KCNJ16: variants seen among roughly 807,000 people sequenced by gnomAD.
KCNJ16 encodes potassium inwardly rectifying channel subfamily J member 16.
KCNJ16 carries 15 observed loss-of-function variants against 18.5 expected under a neutral mutation model. The observed-to-expected ratio is 0.81, with a 90% CI of 0.54 to 1.25. The LOEUF (loss-of-function observed/expected upper bound fraction) is 1.25. Among genes scored for constraint, KCNJ16 ranks in the 50% most tolerant of loss-of-function variants. KCNJ16 has a pLI of 0.00. For synonymous variants in KCNJ16, 174 were observed against 186.5 expected (o/e 0.93, Z 0.55); for missense variants, 523 against 525.7 (o/e 0.99, Z 0.05).
intron 1 of KCNJ16, among the ~76,000 whole-genome samples, chr17:70,078,560 C>T (rs2071414794): frequency 6.6e-6 from 1 of 152,106 alleles, no homozygotes; most frequent in Admixed American, 6.5e-5. Flanking sequence ...TTCTAGCAAA[C>T]ATGACCAAAA....
intron 1 of KCNJ16, among the ~76,000 whole-genome samples, chr17:70,080,084 G>A (rs973898562): frequency 6.6e-6 from 1 of 152,186 alleles, no homozygotes; most frequent in African/African-American, 2.4e-5. Context: ...GAGGTAAAGA[G>A]TAAGTTATTT....
intron 2 of KCNJ16, among the ~76,000 whole-genome samples, chr17:70,110,478 G>GTGCACACACACACA (rs1491105871): frequency 1.6e-5 from 2 of 122,242 alleles, no homozygotes; most frequent in Non-Finnish European, 1.7e-5. Flanking sequence ...CACACTTCGT[G>GTGCACACACACACA]CGCGCACACA....
At chr17:70,092,541 T>TAGAC (rs1567782477) in intron 1 of KCNJ16, among the ~76,000 whole-genome samples, 50 of 16,524 alleles carry the variant, frequency 3.0e-3, no homozygotes, top group Admixed American at 7.2e-3. Flanking sequence ...CAGATAGATA[T>TAGAC]AGATAGATAT....
At chr17:70,084,504 G>A (rs775759466) in intron 1 of KCNJ16, among the ~76,000 whole-genome samples, 5 of 152,146 alleles carry the variant, frequency 3.3e-5, no homozygotes, top group Non-Finnish European at 7.3e-5. Flanking sequence ...GTCTCATGTT[G>A]ACTATCTGAT....
chr17:70,079,616 T>C (rs2071463948), intron 1 of KCNJ16, among the ~76,000 whole-genome samples: 2 of 152,354 alleles, frequency 1.3e-5, no homozygotes, highest in South Asian at 4.1e-4. Context: ...CATATAAATA[T>C]TAAATTTCAT....
chr17:70,086,711 T>C (rs908234609), intron 1 of KCNJ16, among the ~76,000 whole-genome samples: 1 of 152,212 alleles, frequency 6.6e-6, no homozygotes, highest in Non-Finnish European at 1.5e-5. Context: ...ATTTTAGTGT[T>C]TGGCATTTCC....
intron 2 of KCNJ16, among the ~76,000 whole-genome samples, chr17:70,106,247 G>A (rs1054467476): frequency 2.6e-5 from 4 of 152,148 alleles, no homozygotes; most frequent in Non-Finnish European, 5.9e-5. Flanking sequence ...TAGAAGTTCT[G>A]AAAGTCTACA....
chr17:70,089,976 G>A (rs2072010609), intron 1 of KCNJ16, among the ~76,000 whole-genome samples: 1 of 152,202 alleles, frequency 6.6e-6, no homozygotes, highest in Non-Finnish European at 1.5e-5. Flanking sequence ...AACTGGTGTA[G>A]TCCACTTCCA....
intron 2 of KCNJ16, among the ~76,000 whole-genome samples, chr17:70,119,647 G>C (rs2073552076): frequency 6.6e-6 from 1 of 152,196 alleles, no homozygotes; most frequent in African/African-American, 2.4e-5. Context: ...GCTAAGGCTG[G>C]AGCTGGAGTG....
intron 1 of KCNJ16, among the ~76,000 whole-genome samples, chr17:70,078,246 C>T (rs1221107726): frequency 6.6e-6 from 1 of 152,144 alleles, no homozygotes; most frequent in Non-Finnish European, 1.5e-5. Context: ...CATTCTCCCC[C>T]TCCTAAAACT....
chr17:70,120,941 A>T (rs2073611482), intron 2 of KCNJ16, among the ~76,000 whole-genome samples: 1 of 152,232 alleles, frequency 6.6e-6, no homozygotes, highest in South Asian at 2.1e-4. Flanking sequence ...TTAGACTTAA[A>T]AGCTTATTAC....
chr17:70,105,767 G>T (rs1448022865), intron 2 of KCNJ16, among the ~76,000 whole-genome samples: 3 of 152,170 alleles, frequency 2.0e-5, no homozygotes, highest in African/African-American at 7.2e-5. Context: ...TTGCTATGGA[G>T]TAAATAACAC....
At chr17:70,086,582 G>GA (rs2071806100) in intron 1 of KCNJ16, among the ~76,000 whole-genome samples, 1 of 152,110 alleles carries the variant, frequency 6.6e-6, no homozygotes, top group Non-Finnish European at 1.5e-5. Flanking sequence ...AATGCCTCTT[G>GA]AAGAAATAGG....
chr17:70,132,678 T>G lies in KCNJ16; in HGVS notation c.591T>G (p.Leu197=). The G allele has an allele frequency of 6.2e-7, 1 of 1,614,178 alleles. No individual in the cohort carries two copies. The highest frequency in any genetic ancestry group is 8.5e-7 in the Non-Finnish European group (1 of 1,180,030). ...FALIGMRDGK[L]CLMWRIGDFR... ...TTATAGGTATGAGAGATGGGAAGCT[T>G]TGCCTCATGTGGCGCATTGGTGATT... The change falls in exon 4 of 4, where the codon CTT becomes CTG. Residue 197 remains leucine (L), a synonymous_variant. Transcript: ENST00000392671.
At chr17:70,098,489 C>A (rs1468914611) in intron 1 of KCNJ16, among the ~76,000 whole-genome samples, 1 of 151,218 alleles carries the variant, frequency 6.6e-6, no homozygotes, top group Non-Finnish European at 1.5e-5. Flanking sequence ...TTGCCATATG[C>A]CTCTTAACAA....
At position 70,127,468 on chromosome 17, in the gene KCNJ16, G is replaced by C. The variant is rs974630544; in HGVS notation, c.-190-3411G>C. The stretch of plus-strand genomic sequence containing the variant: ...GCAAGAAGTTGTAAAACAGGTTTTT[G>C]AGCAAAATAGCCACATAGACTAATT... On this transcript the variant is annotated intron_variant, in intron 2 of 3. Transcript: ENST00000392671. 2.0e-5 allele frequency among the ~76,000 whole-genome samples: 3 copies of C among 147,796 alleles called. No individual in the cohort carries two copies. In the Admixed American group the frequency reaches 2.0e-4, roughly 10 times the overall value.
intron 2 of KCNJ16, among the ~76,000 whole-genome samples, chr17:70,106,979 C>T (rs990472861): frequency 6.6e-6 from 1 of 152,094 alleles, no homozygotes; most frequent in South Asian, 2.1e-4. Context: ...TGGCTTTTTC[C>T]TGATGGTTTC....
intron 2 of KCNJ16, among the ~76,000 whole-genome samples, chr17:70,103,174 TTA>T (rs1183981348): frequency 4.8e-5 from 7 of 145,560 alleles, no homozygotes; most frequent in East Asian, 2.0e-4. Flanking sequence ...TAATATATAT[TTA>T]TGTGTATATA....
At chr17:70,082,429 A>G (rs4968877) in intron 1 of KCNJ16, among the ~76,000 whole-genome samples, 136,573 of 152,184 alleles carry the variant, frequency 0.9, 61,406 homozygotes, top group East Asian at 1. Context: ...TGAAACTATA[A>G]TTCTAATACT....
Sources: allele counts gnomAD v4.1 joint callset (sites outside exome capture counted in the v4.1 genomes callset), GRCh38; gene constraint gnomAD v4.1.1; transcripts MANE v1.5; gene names NCBI Gene and HGNC (gene_info 2026-07-23, HGNC 2026-07-21).